Variants in SHISA9 observed in about 807,000 individuals in gnomAD.
SHISA9 encodes the protein shisa family member 9, also known as protein shisa-9.
SHISA9 carries 13 observed loss-of-function variants against 38.0 expected under a neutral mutation model. The observed-to-expected ratio is 0.34, with a 90% CI of 0.22 to 0.54. The LOEUF (loss-of-function observed/expected upper bound fraction) is 0.54. SHISA9 is among the 20% of genes least tolerant of loss of function. SHISA9 has a pLI of 0.91. For synonymous variants in SHISA9, 275 were observed against 242.0 expected (o/e 1.14, Z -1.27); for missense variants, 538 against 575.8 (o/e 0.93, Z 0.67).
At chr16:12,943,586 G>A (rs2071651211) in intron 2 of SHISA9, among the ~76,000 whole-genome samples, 1 of 152,152 alleles carries the variant, frequency 6.6e-6, no homozygotes, top group South Asian at 2.1e-4. Context: ...TAATAAACAA[G>A]TGAATGCATC....
the SHISA9 span, among the ~76,000 whole-genome samples, chr16:13,490,838 AACTTTATTTCAAAC>A: frequency 6.6e-6 from 1 of 152,212 alleles, no homozygotes; most frequent in East Asian, 1.9e-4. Flanking sequence ...ACCAAAGGTT[AACTTTATTTCAAAC>A]AGGTTGTAAT....
rs1028630877 is a variant in SHISA9 at position 12,908,819 on chromosome 16, A to G, written c.563+6192A>G. The G allele has an allele frequency of 6.8e-6, 9 of 1,328,486 alleles. No individual in the cohort carries two copies. The Admixed American group carries it at 1.6e-4, about 24-fold the overall frequency. 82.3% of individuals were successfully genotyped at this position (1,328,486 alleles called of 1,614,324 possible). ...GAAATGACCTTGGGGACAGAAGCAC[A>G]TATGTGAAGCTCTCTACACTTGAAG... On this transcript the variant is annotated intron_variant, in intron 1 of 4. Transcript: ENST00000558583.
At chr16:13,019,899 CTT>C (rs1488636028) in intron 2 of SHISA9, among the ~76,000 whole-genome samples, 1 of 32,184 alleles carries the variant, frequency 3.1e-5, no homozygotes, top group Non-Finnish European at 7.3e-5. Flanking sequence ...TTCTTTCTTT[CTT>C]TCTTTCTTTC....
intron 2 of SHISA9, among the ~76,000 whole-genome samples, chr16:13,105,568 G>T (rs1380405875): frequency 2.6e-5 from 4 of 152,242 alleles, no homozygotes; most frequent in Non-Finnish European, 5.9e-5. Context: ...GTTGTGGGGA[G>T]ACTCCGGAGG....
chr16:13,454,560 G>A, the SHISA9 span, among the ~76,000 whole-genome samples: 1 of 152,162 alleles, frequency 6.6e-6, no homozygotes, highest in Admixed American at 6.5e-5. Flanking sequence ...ACAGATGAGG[G>A]AGGAAGACTC....
chr16:13,318,611 G>A, the SHISA9 span, among the ~76,000 whole-genome samples: 4 of 152,232 alleles, frequency 2.6e-5, no homozygotes, highest in Admixed American at 6.5e-5. Context: ...GGGAGCCACC[G>A]TGCCTGGCCC....
the SHISA9 span, among the ~76,000 whole-genome samples, chr16:13,504,941 A>G: frequency 2.0e-5 from 3 of 152,164 alleles, no homozygotes; most frequent in Non-Finnish European, 2.9e-5. Context: ...CCACTGCCCT[A>G]TCTTTGTAGA....
At chr16:13,273,448 A>T in the SHISA9 span, among the ~76,000 whole-genome samples, 1 of 152,026 alleles carries the variant, frequency 6.6e-6, no homozygotes, top group East Asian at 1.9e-4. Flanking sequence ...GTCTCATGAG[A>T]TCTGATGGTT....
At chr16:12,978,624 A>C (rs1370633307) in intron 2 of SHISA9, among the ~76,000 whole-genome samples, 3 of 152,220 alleles carry the variant, frequency 2.0e-5, no homozygotes, top group Non-Finnish European at 4.4e-5. Context: ...ATGATGTGAT[A>C]AATAGCCCCA....
chr16:13,300,942 A>C, the SHISA9 span, among the ~76,000 whole-genome samples: 3 of 131,248 alleles, frequency 2.3e-5, no homozygotes, highest in Middle Eastern at 9.1e-3. Context: ...TCTTTCTCTT[A>C]CTCTTTCTTT....
At chr16:13,042,806 G>A (rs917589513) in intron 2 of SHISA9, among the ~76,000 whole-genome samples, 4 of 151,844 alleles carry the variant, frequency 2.6e-5, no homozygotes, top group African/African-American at 4.8e-5. Context: ...GTTTATTGTC[G>A]GTCTCCTCCC....
intron 2 of SHISA9, among the ~76,000 whole-genome samples, chr16:12,959,877 T>C (rs2071886786): frequency 1.3e-5 from 2 of 152,208 alleles, no homozygotes; most frequent in Non-Finnish European, 2.9e-5. Context: ...AGGAACATAA[T>C]ACTGTTTATT....
intron 2 of SHISA9, among the ~76,000 whole-genome samples, chr16:13,077,974 A>G (rs956786490): frequency 6.6e-6 from 1 of 152,220 alleles, no homozygotes; most frequent in Non-Finnish European, 1.5e-5. Context: ...GAAGGCAAGG[A>G]GGACAAACAG....
At chr16:13,359,972 C>G in the SHISA9 span, among the ~76,000 whole-genome samples, 1 of 152,172 alleles carries the variant, frequency 6.6e-6, no homozygotes, top group Admixed American at 6.5e-5. Flanking sequence ...TGTGCATGCC[C>G]CACTTGCATC....
chr16:13,196,354 A>G lies in SHISA9; in HGVS notation c.692-7040A>G, dbSNP rs1420116853. On this transcript the variant is annotated intron_variant, in intron 2 of 4. Transcript: ENST00000558583. The stretch of plus-strand genomic sequence containing the variant: ...GGAGCTTGCAGTGAGCCGAGATTGC[A>G]CCACTGCACTCCAGCCTGGGCGACA... Among the ~76,000 whole-genome samples the G allele has an allele frequency of 2.8e-5, 4 of 144,336 alleles. No individual in the cohort carries two copies. In the East Asian group the frequency reaches 8.3e-4, roughly 30 times the overall value. 94.7% of individuals were successfully genotyped at this position (144,336 alleles called of 152,430 possible). A position where few individuals can be genotyped will look rare whatever the true frequency, so the allele number is the denominator to read the frequency against.
the SHISA9 span, among the ~76,000 whole-genome samples, chr16:13,335,591 T>G: frequency 6.6e-6 from 1 of 152,200 alleles, no homozygotes; most frequent in Non-Finnish European, 1.5e-5. Context: ...CAACTGTCAT[T>G]CAGCTCCATC....
intron 2 of SHISA9, among the ~76,000 whole-genome samples, chr16:13,200,195 C>G (rs901684702): frequency 6.6e-6 from 1 of 152,000 alleles, no homozygotes; most frequent in African/African-American, 2.4e-5. Context: ...TTCTCTAACT[C>G]CCCCATCCTT....
intron 2 of SHISA9, among the ~76,000 whole-genome samples, chr16:13,055,471 C>T (rs140178556): frequency 6.7e-6 from 1 of 149,668 alleles, no homozygotes; most frequent in Non-Finnish European, 1.5e-5. Flanking sequence ...ATGGCTCCTT[C>T]TCTCTATTTC....
the SHISA9 span, among the ~76,000 whole-genome samples, chr16:13,389,533 T>TTTGG: frequency 6.6e-6 from 1 of 152,210 alleles, no homozygotes; most frequent in African/African-American, 2.4e-5. Context: ...CATTTCATTG[T>TTTGG]CTGGATGTAC....
Sources: allele counts gnomAD v4.1 joint callset (sites outside exome capture counted in the v4.1 genomes callset), GRCh38; gene constraint gnomAD v4.1.1; transcripts MANE v1.5; gene names NCBI Gene and HGNC (gene_info 2026-07-23, HGNC 2026-07-21).